The following CCDC148 variants were observed in gnomAD, a reference collection of about 807,000 sequenced individuals.
CCDC148 encodes the protein coiled-coil domain-containing protein 148.
CCDC148 carries 89 observed loss-of-function variants against 85.7 expected under a neutral mutation model. The observed-to-expected ratio is 1.04, with a 90% CI of 0.87 to 1.24. The LOEUF is 1.24. CCDC148 is among the 50% of genes most tolerant of loss of function. The probability of loss-of-function intolerance (pLI) is 0.00; values close to 1 mark genes in which losing one functional copy is unlikely to be tolerated. For synonymous variants in CCDC148, 230 were observed against 213.9 expected, an observed-to-expected ratio of 1.08 and a Z score of -0.66; for missense variants, 692 against 671.7, an observed-to-expected ratio of 1.03 and a Z score of -0.33.
At chr2:158,447,002 T>C (rs1172859706) in intron 1 of CCDC148, among the ~76,000 whole-genome samples, 1 of 152,222 alleles carries the variant, frequency 6.6e-6, no homozygotes, top group Non-Finnish European at 1.5e-5. Context: ...TTGTCAATCA[T>C]CAGGTGATAT....
At chr2:158,232,797 A>C (rs2105314379) in intron 10 of CCDC148, among the ~76,000 whole-genome samples, 1 of 152,236 alleles carries the variant, frequency 6.6e-6, no homozygotes, top group South Asian at 2.1e-4. Context: ...CTAGATTCTA[A>C]TTAGATAGTT....
intron 1 of CCDC148, among the ~76,000 whole-genome samples, chr2:158,436,970 T>C (rs183409407): frequency 0.027 from 4,147 of 152,228 alleles, 76 homozygotes; most frequent in Middle Eastern, 0.1. Context: ...GGCTCTGAAA[T>C]TGAGGCAATA....
intron 11 of CCDC148, among the ~76,000 whole-genome samples, chr2:158,186,843 C>A (rs1685179199): frequency 6.6e-6 from 1 of 151,972 alleles, no homozygotes; most frequent in Non-Finnish European, 1.5e-5. Flanking sequence ...CTACAAGAAC[C>A]AGTCAGGCTT....
In CCDC148 at chr2:158,310,728, G is replaced by A. The variant is rs186972226; in HGVS notation, c.904-1089C>T. Among the ~76,000 whole-genome samples, 991 of 150,280 alleles carry A rather than the reference G, an allele frequency of 6.6e-3. 10 individuals carry two copies. The highest frequency in any genetic ancestry group is 0.022 in the African/African-American group (890 of 40,828). On this transcript the variant is annotated intron_variant, in intron 8 of 13. Transcript: ENST00000283233. ...ACACTCCTCACCTCCCAGACGGGGC[G>A]GCCGGGCAGAGGCACTCCTCACATC...
chr2:158,360,315 G>A (rs1026927929), intron 1 of CCDC148, among the ~76,000 whole-genome samples: 1 of 152,176 alleles, frequency 6.6e-6, no homozygotes, highest in African/African-American at 2.4e-5. Flanking sequence ...TAATGTTCGA[G>A]CTCTGCTAGG....
At chr2:158,195,007 C>G (rs1251093353) in intron 11 of CCDC148, among the ~76,000 whole-genome samples, 2 of 151,822 alleles carry the variant, frequency 1.3e-5, no homozygotes, top group Non-Finnish European at 1.5e-5. Context: ...ACAGTCTCTG[C>G]TTGTCTCGCT....
intron 7 of CCDC148, among the ~76,000 whole-genome samples, chr2:158,336,435 T>C (rs1488416782): frequency 6.6e-6 from 1 of 152,214 alleles, no homozygotes; most frequent in Non-Finnish European, 1.5e-5. Flanking sequence ...TATTTTTATT[T>C]GGTTAGGGTA....
chr2:158,450,180 T>C (rs1422269996), intron 1 of CCDC148, among the ~76,000 whole-genome samples: 1 of 152,176 alleles, frequency 6.6e-6, no homozygotes. Flanking sequence ...AGTGGGGGCA[T>C]ATATTTTTTG....
intron 11 of CCDC148, among the ~76,000 whole-genome samples, chr2:158,193,117 T>C (rs1685497808): frequency 6.6e-6 from 1 of 152,096 alleles, no homozygotes; most frequent in East Asian, 1.9e-4. Flanking sequence ...TCTGATATCA[T>C]GTCTCTGGTT....
intron 1 of CCDC148, among the ~76,000 whole-genome samples, chr2:158,419,607 G>A (rs1466478617): frequency 3.9e-5 from 6 of 152,112 alleles, no homozygotes; most frequent in African/African-American, 2.4e-5. Flanking sequence ...TTGGAGATTA[G>A]TAATACTCTA....
At chr2:158,340,846 G>A (rs913497194) in intron 3 of CCDC148, among the ~76,000 whole-genome samples, 166 bp from the exon 4 acceptor site, 4 of 152,188 alleles carry the variant, frequency 2.6e-5, no homozygotes, top group African/African-American at 9.6e-5. Flanking sequence ...CACTGAGGTA[G>A]ATGCATAGGC....
At chr2:158,227,362 G>A (rs1687600951) in intron 10 of CCDC148, among the ~76,000 whole-genome samples, 1 of 151,702 alleles carries the variant, frequency 6.6e-6, no homozygotes, top group African/African-American at 2.4e-5. Context: ...AATCAATATT[G>A]TGAAAATGGC....
intron 9 of CCDC148, among the ~76,000 whole-genome samples, chr2:158,274,890 A>G (rs1479526689): frequency 6.6e-6 from 1 of 152,176 alleles, no homozygotes; most frequent in Admixed American, 6.5e-5. Flanking sequence ...CCAGAAGAAA[A>G]ACTGGCCAGT....
intron 7 of CCDC148, among the ~76,000 whole-genome samples, chr2:158,334,587 G>A (rs554672226): frequency 1.0e-5 from 1 of 98,188 alleles, no homozygotes; most frequent in South Asian, 2.5e-4. Flanking sequence ...CGCACCTGGA[G>A]GTCACTGAGT....
chr2:158,230,114 A>G (rs1298807033), intron 10 of CCDC148, among the ~76,000 whole-genome samples: 1 of 152,090 alleles, frequency 6.6e-6, no homozygotes, highest in East Asian at 1.9e-4. Flanking sequence ...ACCATTATTG[A>G]CTTTGGGACT....
intron 2 of CCDC148, among the ~76,000 whole-genome samples, chr2:158,346,346 C>T (rs1322949030): frequency 6.6e-6 from 1 of 152,164 alleles, no homozygotes; most frequent in Non-Finnish European, 1.5e-5. Flanking sequence ...GTGTCCATTG[C>T]CCCAACTTTT....
At chr2:158,355,389 T>G (rs1187004948) in intron 2 of CCDC148, among the ~76,000 whole-genome samples, 1 of 152,202 alleles carries the variant, frequency 6.6e-6, no homozygotes, top group Non-Finnish European at 1.5e-5. Flanking sequence ...AGTCTCAGGA[T>G]ACAAAGTCAA....
rs115342045 is a variant in CCDC148, at chr2:158,184,456, T to A, written c.1371-5460A>T. 4.4e-3 allele frequency among the ~76,000 whole-genome samples: 666 copies of A among 152,292 alleles called. 4 individuals are homozygous for A. The highest frequency in any genetic ancestry group is 0.014 in the African/African-American group (595 of 41,582). On this transcript the variant is annotated intron_variant, in intron 11 of 13. Transcript: ENST00000283233. Reference sequence around the variant, plus strand: ...AAATAAAACAGAGGAAAGAAGTCCCTACTCTGTTGAGTTTACATAATTTGT... The same window carrying A: ...AAATAAAACAGAGGAAAGAAGTCCCAACTCTGTTGAGTTTACATAATTTGT...
chr2:158,435,319 T>G (rs919499280), intron 1 of CCDC148, among the ~76,000 whole-genome samples: 1 of 152,190 alleles, frequency 6.6e-6, no homozygotes, highest in Non-Finnish European at 1.5e-5. Context: ...TGGGGGCCAA[T>G]ACTCCACATT....
Sources: gnomAD v4.1 joint callset for allele counts (sites outside exome capture counted in the v4.1 genomes callset) on GRCh38, gnomAD v4.1.1 for gene constraint, MANE v1.5 for transcripts, NCBI Gene and HGNC (gene_info 2026-07-23, HGNC 2026-07-21) for gene names.